FRMD4A: variants seen among roughly 807,000 people sequenced by gnomAD.
The protein encoded by FRMD4A is FERM domain containing 4A.
In FRMD4A, 29 loss-of-function variants were observed where a neutral mutation model predicts 129.1. That is an observed-to-expected ratio of 0.22 (90% CI 0.17 to 0.31). The LOEUF is 0.31. Ranked by LOEUF, FRMD4A falls within the 10% of genes least tolerant of loss-of-function variation. The pLI, the probability that FRMD4A is intolerant of heterozygous loss-of-function variation, is 1.00. For missense variants in FRMD4A, 1,272 were observed against 1,375.8 expected (o/e 0.92, Z 1.19); for synonymous variants, 634 against 571.6 (o/e 1.11, Z -1.56).
intron 14 of FRMD4A, among the ~76,000 whole-genome samples, chr10:13,696,202 G>T (rs775005669): frequency 2.0e-5 from 3 of 152,216 alleles, no homozygotes; most frequent in Non-Finnish European, 2.9e-5. Context: ...TGCCGCAGAA[G>T]GAAGGAAAAG....
At chr10:14,179,924 C>G (rs939694906) in intron 2 of FRMD4A, among the ~76,000 whole-genome samples, 29 of 152,292 alleles carry the variant, frequency 1.9e-4, no homozygotes, top group African/African-American at 6.5e-4. Context: ...GTCCCAGCTA[C>G]TCAGGAGGCT....
At chr10:14,005,012 T>A (rs866917180) in intron 2 of FRMD4A, among the ~76,000 whole-genome samples, 7 of 148,860 alleles carry the variant, frequency 4.7e-5, no homozygotes, top group African/African-American at 1.8e-4. Context: ...TTATATTTCT[T>A]TCTTTCTTTC....
chr10:14,001,348 G>A (rs572805207), intron 2 of FRMD4A, among the ~76,000 whole-genome samples: 12 of 152,228 alleles, frequency 7.9e-5, no homozygotes, highest in Non-Finnish European at 1.0e-4. Flanking sequence ...GAGGGGACAA[G>A]CTATTCAAAG....
At chr10:14,028,714 T>A (rs763678516) in intron 2 of FRMD4A, among the ~76,000 whole-genome samples, 1 of 152,148 alleles carries the variant, frequency 6.6e-6, no homozygotes, top group Non-Finnish European at 1.5e-5. Context: ...ATATCCATAC[T>A]CCCACCCTGT....
intron 10 of FRMD4A, 31 bp downstream of exon 10, chr10:13,740,481 T>C: frequency 2.3e-6 from 3 of 1,314,016 alleles, no homozygotes; most frequent in Non-Finnish European, 3.3e-6. Flanking sequence ...ACAAACACTG[T>C]CCCCATGTGA....
rs549541454 is a variant in FRMD4A, at chr10:13,856,105, C to T, written c.111+2742G>A. On this transcript the variant is annotated intron_variant, in intron 3 of 24. Transcript: ENST00000357447. ...ACTATCAATGCCTAGATAAATAGTG[C>T]GTGTATCTATCTATGTATAGGTAGT... 1.1e-4 allele frequency among the ~76,000 whole-genome samples: 16 copies of T among 150,688 alleles called. No individual in the cohort carries two copies. The South Asian group carries it at 2.7e-3, about 26-fold the overall frequency.
At chr10:14,045,354 G>A (rs1042783751) in intron 2 of FRMD4A, among the ~76,000 whole-genome samples, 4 of 152,010 alleles carry the variant, frequency 2.6e-5, no homozygotes, top group African/African-American at 9.7e-5. Context: ...CTTTTTCAAG[G>A]TGTTCAGATG....
At chr10:14,127,952 T>C (rs975712725) in intron 2 of FRMD4A, among the ~76,000 whole-genome samples, 31 of 23,054 alleles carry the variant, frequency 1.3e-3, no homozygotes, top group African/African-American at 6.9e-3. Context: ...CTTTCTTTCT[T>C]TCTTTCTTTC....
At chr10:13,731,822 T>C (rs2090342041) in intron 12 of FRMD4A, among the ~76,000 whole-genome samples, 1 of 152,076 alleles carries the variant, frequency 6.6e-6, no homozygotes, top group African/African-American at 2.4e-5. Flanking sequence ...TTTAGGGTGT[T>C]CTGGGAGCTG....
At chr10:14,100,503 TC>T (rs1289451666) in intron 2 of FRMD4A, among the ~76,000 whole-genome samples, 8 of 151,866 alleles carry the variant, frequency 5.3e-5, no homozygotes, top group Admixed American at 3.9e-4. Context: ...CCACCCTATT[TC>T]CCCCCGACCC....
At chr10:13,844,951 C>A (rs188905172) in intron 3 of FRMD4A, among the ~76,000 whole-genome samples, 17 of 152,290 alleles carry the variant, frequency 1.1e-4, no homozygotes, top group Admixed American at 3.3e-4. Flanking sequence ...GCTGGAAAGA[C>A]CAGTCACTGT....
At chr10:14,275,323 C>G (rs1488493571) in intron 2 of FRMD4A, among the ~76,000 whole-genome samples, 1 of 152,246 alleles carries the variant, frequency 6.6e-6, no homozygotes, top group Non-Finnish European at 1.5e-5. Flanking sequence ...TCCACTTAAA[C>G]TTTATAAGAA....
In FRMD4A at chr10:14,063,301, C is replaced by T. The variant is rs113847102; in HGVS notation, c.46-204389G>A. On this transcript the variant is annotated intron_variant, in intron 2 of 24. Transcript: ENST00000357447. Reference sequence around the variant, plus strand: ...CCAGATGTTGATGAGAGTCAGTCTCCGACTCTTCAAAAGAGGCAAGATTCA... The same window carrying T: ...CCAGATGTTGATGAGAGTCAGTCTCTGACTCTTCAAAAGAGGCAAGATTCA... 6.7e-3 allele frequency among the ~76,000 whole-genome samples: 1,018 copies of T among 152,072 alleles called. 7 individuals carry two copies. Among genetic ancestry groups the T allele is most frequent in the African/African-American group, 0.023 (941 of 41,484 alleles).
intron 2 of FRMD4A, among the ~76,000 whole-genome samples, chr10:13,964,964 G>C (rs747314127): frequency 6.6e-6 from 1 of 151,834 alleles, no homozygotes; most frequent in Non-Finnish European, 1.5e-5. Context: ...GATTACAGGC[G>C]TGAGCCACTG....
At chr10:13,881,750 T>C (rs1478263201) in intron 2 of FRMD4A, among the ~76,000 whole-genome samples, 1 of 151,750 alleles carries the variant, frequency 6.6e-6, no homozygotes, top group Non-Finnish European at 1.5e-5. Context: ...TGTGAACAGG[T>C]CGTCACTGTC....
At chr10:13,942,933 AC>A in intron 2 of FRMD4A, among the ~76,000 whole-genome samples, 1 of 151,092 alleles carries the variant, frequency 6.6e-6, no homozygotes, top group South Asian at 2.2e-4. Flanking sequence ...CTCCATCTCA[AC>A]AAAAAGGCAA....
intron 14 of FRMD4A, among the ~76,000 whole-genome samples, chr10:13,700,792 G>A (rs909181061): frequency 2.9e-5 from 4 of 135,672 alleles, no homozygotes; most frequent in African/African-American, 1.1e-4. Flanking sequence ...CCAGGCTCTA[G>A]GTCTACCTTA....
intron 2 of FRMD4A, among the ~76,000 whole-genome samples, chr10:14,103,592 C>T (rs1211997555): frequency 1.3e-5 from 2 of 152,192 alleles, no homozygotes; most frequent in Admixed American, 6.5e-5. Flanking sequence ...ACTATCAGTA[C>T]ATCTAGTAAG....
intron 9 of FRMD4A, among the ~76,000 whole-genome samples, chr10:13,747,287 C>T (rs935569939): frequency 6.6e-6 from 1 of 151,894 alleles, no homozygotes; most frequent in Non-Finnish European, 1.5e-5. Flanking sequence ...AATCCCAGCA[C>T]TTTGGGAGGC....
Sources: gnomAD v4.1 joint callset for allele counts (sites outside exome capture counted in the v4.1 genomes callset) on GRCh38, gnomAD v4.1.1 for gene constraint, MANE v1.5 for transcripts, NCBI Gene and HGNC (gene_info 2026-07-23, HGNC 2026-07-21) for gene names.